DGKB: variants seen among roughly 807,000 people sequenced by gnomAD.
DGKB encodes 90 kDa diacylglycerol kinase.
In DGKB, 67 loss-of-function variants were observed where a neutral mutation model predicts 114.3. The observed-to-expected ratio is 0.59, with a 90% CI of 0.48 to 0.72. The LOEUF (loss-of-function observed/expected upper bound fraction) is 0.72. DGKB is among the 30% of genes least tolerant of loss of function. The probability of loss-of-function intolerance (pLI) is 0.00; values close to 1 mark genes in which losing one functional copy is unlikely to be tolerated. For synonymous variants in DGKB, 398 were observed against 323.1 expected (o/e 1.23, Z -2.49); for missense variants, 907 against 975.2 (o/e 0.93, Z 0.93).
At chr7:14,169,694 G>A (rs550664933) in intron 25 of DGKB, among the ~76,000 whole-genome samples, 1 of 152,156 alleles carries the variant, frequency 6.6e-6, no homozygotes, top group African/African-American at 2.4e-5. Flanking sequence ...GTGTTGGTCA[G>A]TAGTAATTCT....
At chr7:14,611,884 A>G (rs965951036) in intron 16 of DGKB, among the ~76,000 whole-genome samples, 13 of 151,740 alleles carry the variant, frequency 8.6e-5, no homozygotes, top group African/African-American at 2.2e-4. Context: ...GTAATTTCCA[A>G]TGTGGATTTA....
chr7:14,796,986 A>C (rs984074918), intron 2 of DGKB, among the ~76,000 whole-genome samples: 1 of 152,226 alleles, frequency 6.6e-6, no homozygotes, highest in African/African-American at 2.4e-5. Context: ...CAAAGAGACT[A>C]TACTGACATG....
At chr7:14,688,967 AT>A (rs200690156) in intron 9 of DGKB, among the ~76,000 whole-genome samples, 2 of 151,698 alleles carry the variant, frequency 1.3e-5, no homozygotes, top group Non-Finnish European at 2.9e-5. Context: ...ACTATAAATA[AT>A]TTTTTTTCAG....
chr7:14,444,488 G>A (rs1305919091), intron 21 of DGKB, among the ~76,000 whole-genome samples: 3 of 151,544 alleles, frequency 2.0e-5, no homozygotes, highest in South Asian at 2.1e-4. Context: ...ATTCATATGC[G>A]GTCTCCAACA....
chr7:14,892,928 CTA>C (rs1488959898), intron 1 of DGKB, among the ~76,000 whole-genome samples: 1 of 146,572 alleles, frequency 6.8e-6, no homozygotes, highest in Non-Finnish European at 1.5e-5. Flanking sequence ...ATATACATAT[CTA>C]TGTGTATATA....
chr7:14,342,867 GAC>G (rs1369270277), intron 22 of DGKB, among the ~76,000 whole-genome samples: 1 of 151,704 alleles, frequency 6.6e-6, no homozygotes, highest in African/African-American at 2.4e-5. Context: ...TAAATAAAAA[GAC>G]ACACAAAAGA....
intron 20 of DGKB, among the ~76,000 whole-genome samples, chr7:14,500,847 C>A (rs1023491708): frequency 6.6e-6 from 1 of 151,806 alleles, no homozygotes; most frequent in African/African-American, 2.4e-5. Context: ...TATTTAGCAA[C>A]ATTCTTGCTT....
intron 6 of DGKB, among the ~76,000 whole-genome samples, chr7:14,713,051 A>G (rs1347412018): frequency 3.9e-5 from 6 of 152,150 alleles, no homozygotes; most frequent in Admixed American, 3.3e-4. Flanking sequence ...AACTAGTTTA[A>G]CCCACATTTT....
chr7:14,698,567 G>A (rs1311553559), intron 7 of DGKB, among the ~76,000 whole-genome samples: 2 of 152,110 alleles, frequency 1.3e-5, no homozygotes, highest in Non-Finnish European at 2.9e-5. Flanking sequence ...GGACAACTGA[G>A]AAGTCTATTT....
At chr7:14,701,364 C>G (rs575964569) in intron 7 of DGKB, among the ~76,000 whole-genome samples, 1 of 152,294 alleles carries the variant, frequency 6.6e-6, no homozygotes, top group African/African-American at 2.4e-5. Flanking sequence ...CATTCTAAAT[C>G]AATGGTTTCA....
intron 2 of DGKB, among the ~76,000 whole-genome samples, chr7:14,810,228 T>G (rs1005438190): frequency 6.6e-6 from 1 of 152,226 alleles, no homozygotes; most frequent in Non-Finnish European, 1.5e-5. Flanking sequence ...ATTCTCAAGA[T>G]GCTACAATGA....
chr7:14,666,336 A>T (rs1568845), intron 13 of DGKB, among the ~76,000 whole-genome samples: 2,021 of 152,080 alleles, frequency 0.013, 39 homozygotes, highest in African/African-American at 0.045. Context: ...AGAGAAACTG[A>T]GAAGGGCTAA....
At chr7:14,669,099 G>A (rs1417296210) in intron 13 of DGKB, among the ~76,000 whole-genome samples, 1 of 152,016 alleles carries the variant, frequency 6.6e-6, no homozygotes, top group Non-Finnish European at 1.5e-5. Context: ...TACACATCTT[G>A]CACCATCCTC....
chr7:14,836,747 G>C (rs999011692), intron 2 of DGKB, among the ~76,000 whole-genome samples: 1 of 152,202 alleles, frequency 6.6e-6, no homozygotes, highest in Non-Finnish European at 1.5e-5. Flanking sequence ...ACCGGAGCAC[G>C]GTCACAGCAT....
intron 15 of DGKB, among the ~76,000 whole-genome samples, chr7:14,620,848 T>C (rs541125269): frequency 3.9e-5 from 6 of 151,916 alleles, no homozygotes; most frequent in African/African-American, 1.4e-4. Flanking sequence ...AACCTAGATA[T>C]ATATTTGAGG....
intron 13 of DGKB, among the ~76,000 whole-genome samples, chr7:14,647,953 G>T (rs190290321): frequency 6.6e-6 from 1 of 152,184 alleles, no homozygotes; most frequent in Non-Finnish European, 1.5e-5. Context: ...AAAAAATGGC[G>T]CACCATGAGA....
intron 1 of DGKB, among the ~76,000 whole-genome samples, chr7:14,963,720 G>A (rs1356879220): frequency 5.3e-5 from 8 of 152,174 alleles, no homozygotes; most frequent in East Asian, 3.9e-4. Context: ...TTGTTGTAGC[G>A]CTCCTGGTTT....
chr7:14,847,207 C>T (rs112570845), intron 1 of DGKB, among the ~76,000 whole-genome samples: 2,451 of 148,704 alleles, frequency 0.016, 59 homozygotes, highest in African/African-American at 0.058. Context: ...AGGAGAATGG[C>T]GTGAACCCAG....
At chr7:14,873,780 C>T (rs1277173743) in intron 1 of DGKB, among the ~76,000 whole-genome samples, 1 of 151,680 alleles carries the variant, frequency 6.6e-6, no homozygotes, top group Non-Finnish European at 1.5e-5. Flanking sequence ...TTCACGATTG[C>T]CAAAAGTCTG....
Sources: allele counts gnomAD v4.1 joint callset (sites outside exome capture counted in the v4.1 genomes callset), GRCh38; gene constraint gnomAD v4.1.1; transcripts MANE v1.5; gene names NCBI Gene and HGNC (gene_info 2026-07-23, HGNC 2026-07-21).